Variants in ATG10 observed in about 807,000 individuals in gnomAD.
ATG10 encodes the protein autophagy related 10.
A neutral mutation model predicts 32.1 loss-of-function variants in ATG10; 30 were observed. The ratio of observed to expected loss-of-function variants is 0.94; its 90% CI spans 0.70 to 1.27. The LOEUF (loss-of-function observed/expected upper bound fraction) is 1.27. Among genes scored for constraint, ATG10 ranks in the 50% most tolerant of loss-of-function variants. The pLI is 0.00. For synonymous variants in ATG10, 87 were observed against 91.5 expected (o/e 0.95, Z 0.28); for missense variants, 233 against 262.3 (o/e 0.89, Z 0.77).
intron 4 of ATG10, among the ~76,000 whole-genome samples, chr5:82,175,770 G>T (rs953423080): frequency 9.9e-5 from 15 of 152,078 alleles, no homozygotes; most frequent in Admixed American, 6.6e-5. Context: ...CCCACCTCTG[G>T]CTGGCACTTC....
rs540881261 is a variant in ATG10 at position 82,086,452 on chromosome 5, T to C, written c.216+27850T>C. Reference sequence around the variant, plus strand: ...TATTTGGCACCTCAGTTGGGATGAGTGGACTAGTTGGGACTGACAGGGCAT... The same window carrying C: ...TATTTGGCACCTCAGTTGGGATGAGCGGACTAGTTGGGACTGACAGGGCAT... On this transcript the variant is annotated intron_variant, in intron 3 of 7. Coordinates refer to ENST00000282185, the MANE Select transcript of ATG10 (RefSeq NM_031482.5). 2.0e-5 allele frequency among the ~76,000 whole-genome samples: 3 copies of C among 152,232 alleles called. No homozygotes were observed. In the East Asian group the frequency reaches 5.8e-4, roughly 29 times the overall value.
chr5:82,067,759 T>C (rs947254185), intron 3 of ATG10, among the ~76,000 whole-genome samples: 7 of 152,352 alleles, frequency 4.6e-5, no homozygotes, highest in Admixed American at 1.3e-4. Context: ...CATAGGTAAC[T>C]AATTCTCTTT....
At chr5:82,018,348 C>G (rs144642862) in intron 2 of ATG10, among the ~76,000 whole-genome samples, 80 of 152,236 alleles carry the variant, frequency 5.3e-4, no homozygotes, top group Middle Eastern at 3.4e-3. Flanking sequence ...CTGTCATCAT[C>G]TTCCCTGCTA....
At chr5:82,240,931 T>C (rs2150018650) in intron 5 of ATG10, among the ~76,000 whole-genome samples, 1 of 152,180 alleles carries the variant, frequency 6.6e-6, no homozygotes, top group South Asian at 2.1e-4. Flanking sequence ...AAAAAAAAAT[T>C]GGAGTATTTC....
Position 82,252,675 on chromosome 5 carries a change from A to C in ATG10, c.551+16A>C, listed in dbSNP as rs779050445. 1 of 1,435,304 alleles carries C rather than the reference A, an allele frequency of 7.0e-7. No homozygotes were observed. The highest frequency in any genetic ancestry group is 1.2e-5 in the South Asian group (1 of 81,830). The allele number at this position is 1,435,304 out of a possible 1,614,324, so 88.9% of individuals were successfully genotyped here. On this transcript the variant is annotated intron_variant, in intron 6 of 7. Transcript: ENST00000282185. ...AAATCAATAAGTAAGAAACACCATC[A>C]AGATACATTGGCTTCTACTCTGATT...
At chr5:82,144,114 A>G (rs1324858629) in intron 3 of ATG10, among the ~76,000 whole-genome samples, 2 of 152,056 alleles carry the variant, frequency 1.3e-5, no homozygotes, top group Non-Finnish European at 2.9e-5. Flanking sequence ...TTTTTGGTGT[A>G]CATTATTTAT....
At chr5:82,213,724 G>T (rs1745576692) in intron 5 of ATG10, among the ~76,000 whole-genome samples, 1 of 152,166 alleles carries the variant, frequency 6.6e-6, no homozygotes, top group Admixed American at 6.5e-5. Context: ...AGAATGTAGG[G>T]TGTCTAAGAG....
intron 5 of ATG10, among the ~76,000 whole-genome samples, chr5:82,237,101 T>A (rs1306093226): frequency 6.6e-6 from 1 of 152,136 alleles, no homozygotes; most frequent in Non-Finnish European, 1.5e-5. Flanking sequence ...CATAAAGGGA[T>A]TGCCTTAATC....
rs140996478 is a variant in ATG10, at chr5:81,988,786, T to C, written c.108+1108T>C. Among the ~76,000 whole-genome samples the C allele has an allele frequency of 2.6e-5, 4 of 152,308 alleles. No homozygotes were observed. The East Asian group carries it at 7.7e-4, about 29-fold the overall frequency. ...TCAGTAATAATGTAAAAGGCCTATG[T>C]ACTTATTTCCACACTTAGAGTTAGT... On this transcript the variant is annotated intron_variant, in intron 2 of 7. Transcript: ENST00000282185.
At chr5:82,067,572 T>C (rs1763978483) in intron 3 of ATG10, among the ~76,000 whole-genome samples, 2 of 152,160 alleles carry the variant, frequency 1.3e-5, no homozygotes, top group African/African-American at 2.4e-5. Flanking sequence ...CTTTAAGCCC[T>C]TGGTACCTGA....
At chr5:82,129,251 T>C (rs1005191690) in intron 3 of ATG10, among the ~76,000 whole-genome samples, 6 of 151,948 alleles carry the variant, frequency 3.9e-5, no homozygotes, top group Non-Finnish European at 8.8e-5. Context: ...TCTCTAACCA[T>C]TTTTCAAGGC....
rs1487951030 is a variant in ATG10 at position 81,992,809 on chromosome 5, A to T, written c.108+5131A>T. ...AAACATTACTTTTCAGGCAAAGTTG[A>T]TGAGAAAAGCAGTGCGAATTAATGA... is the stretch of plus-strand genomic sequence containing the variant. On this transcript the variant is annotated intron_variant, in intron 2 of 7. Coordinates refer to ENST00000282185, the MANE Select transcript of ATG10 (RefSeq NM_031482.5). 3.9e-5 allele frequency among the ~76,000 whole-genome samples: 6 copies of T among 152,262 alleles called. No homozygotes were observed. In the East Asian group the frequency reaches 1.2e-3, roughly 29 times the overall value.
At chr5:82,038,119 T>G (rs1014248739) in intron 2 of ATG10, among the ~76,000 whole-genome samples, 1 of 152,156 alleles carries the variant, frequency 6.6e-6, no homozygotes, top group Non-Finnish European at 1.5e-5. Context: ...TAAAGGTTAG[T>G]GTGATGATAT....
chr5:82,102,478 T>A (rs552475284), intron 3 of ATG10, among the ~76,000 whole-genome samples: 4 of 152,280 alleles, frequency 2.6e-5, no homozygotes, highest in African/African-American at 9.6e-5. Flanking sequence ...AACACAATAG[T>A]TATTGAATGT....
At chr5:82,186,114 A>AT (rs1289963755) in intron 5 of ATG10, among the ~76,000 whole-genome samples, 2 of 152,148 alleles carry the variant, frequency 1.3e-5, no homozygotes, top group South Asian at 2.1e-4. Flanking sequence ...GGCTTTATGG[A>AT]TTGCTGCTGC....
intron 3 of ATG10, among the ~76,000 whole-genome samples, chr5:82,146,613 GTT>G (rs769828810): frequency 2.9e-5 from 4 of 136,120 alleles, no homozygotes; most frequent in African/African-American, 8.0e-5. Flanking sequence ...ATTTTCTTTT[GTT>G]TTTTTTTTTT....
intron 3 of ATG10, among the ~76,000 whole-genome samples, chr5:82,162,225 A>G (rs1411836096): frequency 1.3e-5 from 2 of 152,180 alleles, no homozygotes; most frequent in African/African-American, 4.8e-5. Flanking sequence ...GAAAATAGGT[A>G]AAGAATAAAA....
At chr5:82,196,674 C>A (rs73768642) in intron 5 of ATG10, among the ~76,000 whole-genome samples, 1 of 152,100 alleles carries the variant, frequency 6.6e-6, no homozygotes, top group Non-Finnish European at 1.5e-5. Flanking sequence ...TATCTTGGCA[C>A]CCTTGTCAAA....
rs555683626 is a variant in ATG10 at position 82,177,940 on chromosome 5, G to T, written c.356-550G>T. ...TTCTTCAGGCAGAGACCACTCTACT[G>T]TAATATACTTGTCATAGTTTCCTCA... On this transcript the variant is annotated intron_variant, in intron 4 of 7. Coordinates refer to ENST00000282185, the MANE Select transcript of ATG10 (RefSeq NM_031482.5). Among the ~76,000 whole-genome samples the T allele has an allele frequency of 9.2e-5, 14 of 152,176 alleles. No individual in the cohort carries two copies. The East Asian group carries it at 2.7e-3, about 29-fold the overall frequency.
Sources: allele counts gnomAD v4.1 joint callset (sites outside exome capture counted in the v4.1 genomes callset), GRCh38; gene constraint gnomAD v4.1.1; transcripts MANE v1.5; gene names NCBI Gene and HGNC (gene_info 2026-07-23, HGNC 2026-07-21).